Variants in PDZRN3 observed in about 807,000 individuals in gnomAD.
PDZRN3 encodes E3 ubiquitin-protein ligase PDZRN3.
A neutral mutation model predicts 85.7 loss-of-function variants in PDZRN3; 38 were observed. That is an observed-to-expected ratio of 0.44 (90% CI 0.34 to 0.58). The LOEUF (loss-of-function observed/expected upper bound fraction) is 0.58, where lower values mean the gene tolerates loss of function less well. PDZRN3 is among the 20% of genes least tolerant of loss of function. PDZRN3 has a pLI of 0.01. For missense variants in PDZRN3, 1,629 were observed against 1,506.4 expected (o/e 1.08, Z -1.35); for synonymous variants, 759 against 638.0 (o/e 1.19, Z -2.86).
chr3:73,403,624 G>T (rs1471238182), intron 4 of PDZRN3, among the ~76,000 whole-genome samples: 4 of 152,190 alleles, frequency 2.6e-5, no homozygotes, highest in Non-Finnish European at 5.9e-5. Context: ...GAAGAGGTGT[G>T]TGTAAAGAAA....
At chr3:73,617,978 T>C (rs1372939014) in intron 1 of PDZRN3, among the ~76,000 whole-genome samples, 4 of 152,244 alleles carry the variant, frequency 2.6e-5, no homozygotes, top group African/African-American at 9.6e-5. Context: ...ACTGCTGAGA[T>C]TACAGGCGTG....
chr3:73,412,503 T>C (rs559765538), intron 3 of PDZRN3, among the ~76,000 whole-genome samples: 54 of 152,306 alleles, frequency 3.5e-4, no homozygotes, highest in African/African-American at 1.3e-3. Context: ...CATTTAAAAT[T>C]AGAGGAGCCT....
chr3:73,592,310 G>A (rs1415862262), intron 3 of PDZRN3, among the ~76,000 whole-genome samples: 1 of 151,952 alleles, frequency 6.6e-6, no homozygotes, highest in Non-Finnish European at 1.5e-5. Flanking sequence ...TCCAAATATT[G>A]AAAAATAAAA....
At chr3:73,583,225 G>C in intron 3 of PDZRN3, among the ~76,000 whole-genome samples, 1 of 152,100 alleles carries the variant, frequency 6.6e-6, no homozygotes. Flanking sequence ...AAAATTTAAG[G>C]AACTAGCCCA....
chr3:73,498,879 G>A (rs1022164685), intron 3 of PDZRN3, among the ~76,000 whole-genome samples: 11 of 152,038 alleles, frequency 7.2e-5, no homozygotes, highest in Non-Finnish European at 1.2e-4. Context: ...CATCGTGCCT[G>A]GCCCGTATGT....
chr3:73,500,829 C>G (rs1158532573), intron 3 of PDZRN3, among the ~76,000 whole-genome samples: 2 of 152,202 alleles, frequency 1.3e-5, no homozygotes. Flanking sequence ...AATCTTAAGG[C>G]TTTCATTTCT....
chr3:73,553,210 T>A (rs774601364), intron 3 of PDZRN3, among the ~76,000 whole-genome samples: 1 of 152,196 alleles, frequency 6.6e-6, no homozygotes, highest in Non-Finnish European at 1.5e-5. Context: ...TTCAGAATAG[T>A]GCTTACGCTT....
chr3:73,527,631 G>A (rs998942402), intron 3 of PDZRN3, among the ~76,000 whole-genome samples: 2 of 151,902 alleles, frequency 1.3e-5, no homozygotes, highest in African/African-American at 4.8e-5. Flanking sequence ...GAATTCTCAG[G>A]TCTATGAATA....
At chr3:73,491,631 C>G (rs1192679320) in intron 3 of PDZRN3, among the ~76,000 whole-genome samples, 1 of 126,080 alleles carries the variant, frequency 7.9e-6, no homozygotes, top group Non-Finnish European at 1.6e-5. Flanking sequence ...CAGGGTCTTG[C>G]TTTGTTGCCC....
chr3:73,481,511 G>C (rs1703560123), intron 3 of PDZRN3, among the ~76,000 whole-genome samples: 3 of 151,576 alleles, frequency 2.0e-5, no homozygotes, highest in Admixed American at 2.0e-4. Context: ...TGTATTTTTA[G>C]TAGAGATGGG....
At chr3:73,524,829 G>A (rs1348414838) in intron 3 of PDZRN3, among the ~76,000 whole-genome samples, 1 of 151,534 alleles carries the variant, frequency 6.6e-6, no homozygotes, top group Non-Finnish European at 1.5e-5. Context: ...TATTCAGTGT[G>A]TCTCAGGAGG....
chr3:73,445,030 T>C (rs1002973726), intron 3 of PDZRN3, among the ~76,000 whole-genome samples: 5 of 152,104 alleles, frequency 3.3e-5, no homozygotes, highest in East Asian at 1.9e-4. Context: ...GTGACTGGCG[T>C]GTAGGCTGAA....
chr3:73,443,479 C>CTT (rs768320565), intron 3 of PDZRN3, among the ~76,000 whole-genome samples: 855 of 47,974 alleles, frequency 0.018, 21 homozygotes, highest in South Asian at 0.053. Context: ...TTTCCTTTTT[C>CTT]TTTTTTTTTT....
At chr3:73,495,864 C>T (rs148685031) in intron 3 of PDZRN3, among the ~76,000 whole-genome samples, 2 of 152,294 alleles carry the variant, frequency 1.3e-5, no homozygotes, top group African/African-American at 4.8e-5. Flanking sequence ...TCAAGAACTG[C>T]TATATCTTTA....
intron 3 of PDZRN3, among the ~76,000 whole-genome samples, chr3:73,533,322 T>A (rs1704702355): frequency 6.6e-6 from 1 of 152,162 alleles, no homozygotes; most frequent in African/African-American, 2.4e-5. Flanking sequence ...TTAATTTTGC[T>A]TGACAATGGA....
intron 1 of PDZRN3, among the ~76,000 whole-genome samples, chr3:73,612,078 GTTT>G (rs1457803275): frequency 0.058 from 8,839 of 152,200 alleles, 863 homozygotes; most frequent in African/African-American, 0.2. Context: ...TGTTTGGGTA[GTTT>G]ATCATAACCC....
intron 3 of PDZRN3, among the ~76,000 whole-genome samples, chr3:73,461,217 C>T (rs926202275): frequency 2.6e-5 from 4 of 152,324 alleles, no homozygotes; most frequent in African/African-American, 9.6e-5. Flanking sequence ...AATCTAAACC[C>T]TATCATTTAT....
At chr3:73,555,050 G>A (rs1701661613) in intron 3 of PDZRN3, among the ~76,000 whole-genome samples, 1 of 152,198 alleles carries the variant, frequency 6.6e-6, no homozygotes, top group South Asian at 2.1e-4. Flanking sequence ...AAGTTGCAGG[G>A]GGGATAGAAA....
At chr3:73,623,782 AC>A (rs1490997277) in intron 1 of PDZRN3, 1 of 255,634 alleles carries the variant, frequency 3.9e-6, no homozygotes, top group Non-Finnish European at 7.4e-6. Flanking sequence ...AAGCCTTTGA[AC>A]GCAGTTTTGA....
Sources: gnomAD v4.1 joint callset for allele counts (sites outside exome capture counted in the v4.1 genomes callset) on GRCh38, gnomAD v4.1.1 for gene constraint, MANE v1.5 for transcripts, NCBI Gene and HGNC (gene_info 2026-07-23, HGNC 2026-07-21) for gene names.